NAV2: variants seen among roughly 807,000 people sequenced by gnomAD.
NAV2 encodes the protein helicase, APC down-regulated 1.
NAV2 carries 54 observed loss-of-function variants against 223.2 expected under a neutral mutation model. The ratio of observed to expected loss-of-function variants is 0.24; its 90% confidence interval spans 0.19 to 0.30. The LOEUF (loss-of-function observed/expected upper bound fraction) is 0.30. Ranked by LOEUF, NAV2 falls within the 10% of genes least tolerant of loss-of-function variation. NAV2 has a pLI of 1.00. For synonymous variants in NAV2, 1,279 were observed against 1,239.3 expected, an observed-to-expected ratio of 1.03 and a Z score of -0.67; for missense variants, 2,806 against 3,147.5, an observed-to-expected ratio of 0.89 and a Z score of 2.60.
intron 2 of NAV2, among the ~76,000 whole-genome samples, chr11:19,838,329 G>A (rs2060338107): frequency 1.3e-5 from 2 of 152,098 alleles, no homozygotes; most frequent in Non-Finnish European, 2.9e-5. Flanking sequence ...GATGGTGGGA[G>A]GGTGTCAATC....
chr11:19,855,387 C>T (rs1412110988), intron 3 of NAV2, among the ~76,000 whole-genome samples: 1 of 152,142 alleles, frequency 6.6e-6, no homozygotes, highest in Non-Finnish European at 1.5e-5. Flanking sequence ...CCTGGTCATT[C>T]GAAATCCTTG....
chr11:19,656,462 G>C (rs199671855), intron 1 of NAV2, among the ~76,000 whole-genome samples: 2 of 152,214 alleles, frequency 1.3e-5, no homozygotes, highest in Non-Finnish European at 2.9e-5. Context: ...GTGAGTGAGG[G>C]GGGAGAGGCA....
Position 19,517,664 on chromosome 11 carries a change from A to C in NAV2, c.75+166637A>C, listed in dbSNP as rs115955571. 8.6e-3 allele frequency among the ~76,000 whole-genome samples: 1,310 copies of C among 152,374 alleles called. 18 individuals are homozygous for C. The highest frequency in any genetic ancestry group is 0.03 in the African/African-American group (1,252 of 41,590). Reference sequence around the variant, plus strand: ...TTGGCCAGGCTTATCCAGATATTGCACCATGCACCAGTGGTACACCAAACA... The same window carrying C: ...TTGGCCAGGCTTATCCAGATATTGCCCCATGCACCAGTGGTACACCAAACA... On this transcript the variant is annotated intron_variant, in intron 1 of 37. Transcript: ENST00000360655.
intron 11 of NAV2, among the ~76,000 whole-genome samples, chr11:20,008,253 G>C (rs918185950): frequency 2.6e-5 from 4 of 152,060 alleles, no homozygotes; most frequent in Non-Finnish European, 5.9e-5. Flanking sequence ...TGTAATCCCA[G>C]CTACTAGGGA....
At chr11:19,441,659 A>G (rs904812437) in intron 1 of NAV2, among the ~76,000 whole-genome samples, 7 of 152,026 alleles carry the variant, frequency 4.6e-5, no homozygotes, top group Admixed American at 2.0e-4. Context: ...TTATTTTTTA[A>G]CCAATTTTGT....
chr11:19,993,587 G>A (rs571387820), intron 11 of NAV2, among the ~76,000 whole-genome samples: 69 of 151,764 alleles, frequency 4.5e-4, no homozygotes, highest in African/African-American at 1.6e-3. Flanking sequence ...CCCTCCCCCC[G>A]TTATTTAACC....
At chr11:19,595,648 A>G (rs1385748548) in intron 1 of NAV2, among the ~76,000 whole-genome samples, 1 of 151,518 alleles carries the variant, frequency 6.6e-6, no homozygotes, top group East Asian at 1.9e-4. Context: ...TCAACCACCC[A>G]AGCTCAAGTG....
intron 1 of NAV2, among the ~76,000 whole-genome samples, chr11:19,663,290 G>A (rs574117666): frequency 3.3e-5 from 5 of 152,262 alleles, no homozygotes; most frequent in South Asian, 2.1e-4. Flanking sequence ...GATGTTTATG[G>A]GGTGCTTATT....
At chr11:19,816,914 T>G (rs903212929) in intron 1 of NAV2, among the ~76,000 whole-genome samples, 1 of 152,004 alleles carries the variant, frequency 6.6e-6, no homozygotes, top group Non-Finnish European at 1.5e-5. Flanking sequence ...TTTTTTCCCC[T>G]CTGTGCCTTC....
At chr11:19,446,801 AT>A (rs1259884472) in intron 1 of NAV2, among the ~76,000 whole-genome samples, 1 of 152,162 alleles carries the variant, frequency 6.6e-6, no homozygotes, top group African/African-American at 2.4e-5. Context: ...CCTTTTGAAT[AT>A]GACCATCCCA....
intron 1 of NAV2, among the ~76,000 whole-genome samples, chr11:19,788,242 A>T (rs2057280890): frequency 6.6e-6 from 1 of 152,176 alleles, no homozygotes. Context: ...TAAAATGTTT[A>T]GTAGCAACAC....
chr11:20,025,195 G>A (rs949506297), intron 11 of NAV2, among the ~76,000 whole-genome samples: 3 of 152,220 alleles, frequency 2.0e-5, no homozygotes, highest in African/African-American at 7.2e-5. Context: ...GGGGGCATTA[G>A]TAGTTTGTGC....
At chr11:19,418,427 CT>C (rs1162941005) in intron 1 of NAV2, among the ~76,000 whole-genome samples, 2 of 152,230 alleles carry the variant, frequency 1.3e-5, no homozygotes, top group Non-Finnish European at 2.9e-5. Flanking sequence ...GAGATGCCTT[CT>C]CACCTTGGGC....
At chr11:19,605,873 C>T (rs2046463842) in intron 1 of NAV2, among the ~76,000 whole-genome samples, 1 of 152,162 alleles carries the variant, frequency 6.6e-6, no homozygotes, top group Non-Finnish European at 1.5e-5. Context: ...CTGGGACATC[C>T]TATTAATATG....
chr11:19,346,888 C>T (rs1853044228), upstream of NAV2, among the ~76,000 whole-genome samples: 1 of 152,166 alleles, frequency 6.6e-6, no homozygotes, highest in Non-Finnish European at 1.5e-5. Context: ...TCTGTTTCCC[C>T]TATTGACACC....
intron 5 of NAV2, among the ~76,000 whole-genome samples, chr11:19,883,551 C>T (rs1184722453): frequency 2.6e-5 from 4 of 152,152 alleles, no homozygotes. Context: ...ATATTTTTCT[C>T]TATTCTCCTC....
Position 19,762,988 on chromosome 11 carries a change from T to A in NAV2, c.267+49026T>A, listed in dbSNP as rs150808455. On this transcript the variant is annotated intron_variant, in intron 1 of 37. Transcript: ENST00000349880. Reference sequence around the variant, plus strand: ...GTTACCTGTCCTCAATAGCACTTCATATTTTCCTTCATACTTCTTAGCACA... The same window carrying A: ...GTTACCTGTCCTCAATAGCACTTCAAATTTTCCTTCATACTTCTTAGCACA... Among the ~76,000 whole-genome samples, 798 of 152,292 alleles carry A rather than the reference T, an allele frequency of 5.2e-3. 5 individuals are homozygous for A. The highest frequency in any genetic ancestry group is 0.018 in the African/African-American group (764 of 41,544).
chr11:19,920,269 TAATTA>T (rs1279970791), intron 6 of NAV2, among the ~76,000 whole-genome samples: 7 of 152,236 alleles, frequency 4.6e-5, no homozygotes, highest in African/African-American at 1.7e-4. Context: ...ATTAATGAAA[TAATTA>T]AATAAACCTG....
At chr11:20,059,897 G>C (rs558788194) in intron 19 of NAV2, among the ~76,000 whole-genome samples, 2 of 152,326 alleles carry the variant, frequency 1.3e-5, no homozygotes, top group Non-Finnish European at 2.9e-5. Context: ...GCACAACCTA[G>C]GCTCTGACCT....
Sources: gnomAD v4.1 joint callset for allele counts (sites outside exome capture counted in the v4.1 genomes callset) on GRCh38, gnomAD v4.1.1 for gene constraint, MANE v1.5 for transcripts, NCBI Gene and HGNC (gene_info 2026-07-23, HGNC 2026-07-21) for gene names.